The following FAM168A variants were observed in gnomAD, a reference collection of about 807,000 sequenced individuals.
The protein encoded by FAM168A is family with sequence similarity 168 member A, also known as protein FAM168A.
In FAM168A, 3 loss-of-function variants were observed where a neutral mutation model predicts 28.5. That is an observed-to-expected ratio of 0.11 (90% CI 0.05 to 0.27). FAM168A has a LOEUF of 0.27. Ranked by LOEUF, FAM168A falls within the 10% of genes least tolerant of loss-of-function variation. The probability of loss-of-function intolerance (pLI) is 1.00; values close to 1 mark genes in which losing one functional copy is unlikely to be tolerated. For missense variants in FAM168A, 222 were observed against 311.5 expected, an observed-to-expected ratio of 0.71 and a Z score of 2.16; for synonymous variants, 122 against 124.2, an observed-to-expected ratio of 0.98 and a Z score of 0.12.
At chr11:73,513,238 C>T (rs1855263758) in intron 1 of FAM168A, among the ~76,000 whole-genome samples, 3 of 109,972 alleles carry the variant, frequency 2.7e-5, no homozygotes, top group African/African-American at 1.1e-4. Context: ...GAGACGGAGT[C>T]TTGCTCTATC....
At chr11:73,495,058 T>C (rs1854841279) in intron 1 of FAM168A, among the ~76,000 whole-genome samples, 1 of 147,296 alleles carries the variant, frequency 6.8e-6, no homozygotes, top group African/African-American at 2.5e-5. Context: ...GAAGAGAGGG[T>C]AATTTCAGGA....
chr11:73,533,876 A>G (rs762646665), intron 1 of FAM168A, among the ~76,000 whole-genome samples: 1 of 152,188 alleles, frequency 6.6e-6, no homozygotes, highest in Non-Finnish European at 1.5e-5. Flanking sequence ...AAGGTAAGTT[A>G]GTCATCTGGT....
intron 1 of FAM168A, among the ~76,000 whole-genome samples, chr11:73,513,477 A>G (rs1855270196): frequency 6.6e-6 from 1 of 151,774 alleles, no homozygotes; most frequent in Non-Finnish European, 1.5e-5. Context: ...TGGCCTCCCA[A>G]AGTGCTGGGA....
chr11:73,595,730 C>T lies in FAM168A; in HGVS notation c.-19+2193G>A, dbSNP rs115723970. Among the ~76,000 whole-genome samples the T allele has an allele frequency of 2.0e-3, 303 of 152,264 alleles. 1 individual carries two copies. The highest frequency in any genetic ancestry group is 6.9e-3 in the African/African-American group (287 of 41,554). ...GGAGATGCTGTTTCTGTAGTTAATA[C>T]AATGCGACTACATCAACATCATTCC... is the stretch of plus-strand genomic sequence containing the variant. On this transcript the variant is annotated intron_variant, in intron 1 of 7. Coordinates refer to ENST00000356467, the MANE Select transcript of FAM168A (RefSeq NM_015159.3).
At chr11:73,512,393 G>A (rs1194497664) in intron 1 of FAM168A, among the ~76,000 whole-genome samples, 4 of 152,048 alleles carry the variant, frequency 2.6e-5, no homozygotes, top group Non-Finnish European at 5.9e-5. Context: ...TTGGTTGTCA[G>A]GGCCTAGGAA....
At chr11:73,571,065 G>A (rs1944080603) in intron 1 of FAM168A, among the ~76,000 whole-genome samples, 1 of 152,110 alleles carries the variant, frequency 6.6e-6, no homozygotes, top group African/African-American at 2.4e-5. Flanking sequence ...ACAACATAAT[G>A]CAGTTACTTG....
chr11:73,545,170 C>T lies in FAM168A; in HGVS notation c.-19+52753G>A, dbSNP rs574284010. Among the ~76,000 whole-genome samples the T allele has an allele frequency of 2.7e-5, 4 of 148,054 alleles. No homozygotes were observed. In the Admixed American group the frequency reaches 2.8e-4, roughly 10 times the overall value. On this transcript the variant is annotated intron_variant, in intron 1 of 7. Transcript: ENST00000356467. The stretch of plus-strand genomic sequence containing the variant: ...CCTCCTGAGTAGCTAAGACTATAGA[C>T]ATGCACCACCACATCCAGCTAATTT...
chr11:73,570,266 G>A (rs947592929), intron 1 of FAM168A, among the ~76,000 whole-genome samples: 3 of 152,070 alleles, frequency 2.0e-5, no homozygotes, highest in South Asian at 2.1e-4. Context: ...TCTATAAAAC[G>A]GGGATAATGA....
chr11:73,595,474 G>A (rs1378231042), intron 1 of FAM168A, among the ~76,000 whole-genome samples: 3 of 152,126 alleles, frequency 2.0e-5, no homozygotes, highest in Non-Finnish European at 4.4e-5. Context: ...CGATCCCAAT[G>A]GTGCCAATTT....
intron 1 of FAM168A, among the ~76,000 whole-genome samples, chr11:73,536,892 G>A (rs1221821471): frequency 6.6e-6 from 1 of 152,138 alleles, no homozygotes; most frequent in African/African-American, 2.4e-5. Context: ...TTCCAATGAA[G>A]GCACTAAAAT....
In FAM168A at chr11:73,588,874, G is replaced by A. The variant is rs887886090; in HGVS notation, c.-19+9049C>T. 9.2e-5 allele frequency among the ~76,000 whole-genome samples: 14 copies of A among 152,280 alleles called. 1 individual carries two copies. In the East Asian group the frequency reaches 2.7e-3, roughly 29 times the overall value. On this transcript the variant is annotated intron_variant, in intron 1 of 7. Coordinates refer to ENST00000356467, the MANE Select transcript of FAM168A (RefSeq NM_015159.3). The stretch of plus-strand genomic sequence containing the variant: ...GAGGGTGGGGCTGCCATGATGGAAT[G>A]AGTGCCTTCAAAAAGAGACACCAGA...
At chr11:73,415,839 T>C (rs1214653495) in intron 4 of FAM168A, among the ~76,000 whole-genome samples, 2 of 152,210 alleles carry the variant, frequency 1.3e-5, no homozygotes, top group African/African-American at 4.8e-5. Context: ...GAATTCTAAG[T>C]CTGAAGGTCA....
intron 2 of FAM168A, among the ~76,000 whole-genome samples, chr11:73,441,334 G>A: frequency 6.6e-6 from 1 of 152,198 alleles, no homozygotes; most frequent in East Asian, 1.9e-4. Flanking sequence ...TGGGATTACA[G>A]GCGTGAGCCA....
rs149760921 is a variant in FAM168A, at chr11:73,540,496, A to G, written c.-19+57427T>C. 4.2e-4 allele frequency among the ~76,000 whole-genome samples: 64 copies of G among 152,230 alleles called. No homozygotes were observed. In the East Asian group the frequency reaches 0.012, roughly 28 times the overall value. The stretch of plus-strand genomic sequence containing the variant: ...AAGGGCTAAATGACTCCACAACTCT[A>G]TGCATTTTGTCTGCCTCCTGCCCAA... On this transcript the variant is annotated intron_variant, in intron 1 of 7. Coordinates refer to ENST00000356467, the MANE Select transcript of FAM168A (RefSeq NM_015159.3).
At chr11:73,563,396 C>A (rs1191519840) in intron 1 of FAM168A, among the ~76,000 whole-genome samples, 1 of 152,206 alleles carries the variant, frequency 6.6e-6, no homozygotes, top group Non-Finnish European at 1.5e-5. Flanking sequence ...AATGCCTACA[C>A]ACTATCTGGC....
At chr11:73,510,431 T>C (rs760456205) in intron 1 of FAM168A, among the ~76,000 whole-genome samples, 3 of 152,170 alleles carry the variant, frequency 2.0e-5, no homozygotes, top group Non-Finnish European at 4.4e-5. Flanking sequence ...AAAGTCCTAG[T>C]CTCACCTCTG....
chr11:73,405,891 G>A lies in FAM168A; in HGVS notation c.*872C>T, dbSNP rs1469717584. 1.3e-5 allele frequency: 2 copies of A among 152,598 alleles called. No homozygotes were observed. The highest frequency in any genetic ancestry group is 1.5e-5 in the Non-Finnish European group (1 of 68,070). The allele number at this position is 152,598 out of a possible 1,614,324, so 9.5% of individuals were successfully genotyped here. On this transcript the variant is annotated 3_prime_UTR_variant, in exon 8 of 8. Transcript: ENST00000356467. ...GAAGTCTGGATGACACAGGGCATCC[G>A]GCCTTCCAAGGCCTCGGGATGCTGG...
At chr11:73,412,572 G>A (rs528752515) in intron 4 of FAM168A, among the ~76,000 whole-genome samples, 7 of 152,246 alleles carry the variant, frequency 4.6e-5, no homozygotes, top group African/African-American at 9.6e-5. Flanking sequence ...ATCGTTCTAC[G>A]GAACCCAAGT....
rs183075650 is a variant in FAM168A at position 73,546,645 on chromosome 11, T to C, written c.-19+51278A>G. 1.7e-3 allele frequency among the ~76,000 whole-genome samples: 263 copies of C among 151,920 alleles called. 2 individuals are homozygous for C. Among genetic ancestry groups the C allele is most frequent in the African/African-American group, 6.1e-3 (254 of 41,380 alleles). ...TACTCAGGAGGCTGAGGCAGGAGAATTGCTTGAAACTGGGAGGTGGAGGTT... is the reference window on the plus strand; with the variant it reads ...TACTCAGGAGGCTGAGGCAGGAGAACTGCTTGAAACTGGGAGGTGGAGGTT... On this transcript the variant is annotated intron_variant, in intron 1 of 7. Coordinates refer to ENST00000356467, the MANE Select transcript of FAM168A (RefSeq NM_015159.3).
Sources: gnomAD v4.1 joint callset for allele counts (sites outside exome capture counted in the v4.1 genomes callset) on GRCh38, gnomAD v4.1.1 for gene constraint, MANE v1.5 for transcripts, NCBI Gene and HGNC (gene_info 2026-07-23, HGNC 2026-07-21) for gene names.